Variants in NDE1 observed in about 807,000 individuals in gnomAD.
NDE1 encodes the protein nuclear distribution protein nudE homolog 1.
NDE1 carries 28 observed loss-of-function variants against 43.4 expected under a neutral mutation model. The observed-to-expected ratio is 0.65, with a 90% CI of 0.48 to 0.89. NDE1 has a LOEUF of 0.89. Among genes scored for constraint, NDE1 ranks in the 40% least tolerant of loss-of-function variants. The pLI, the probability that NDE1 is intolerant of heterozygous loss-of-function variation, is 0.00. For missense variants in NDE1, 441 were observed against 434.1 expected (o/e 1.02, Z -0.14); for synonymous variants, 184 against 172.0 (o/e 1.07, Z -0.55).
chr16:15,657,736 C>G (rs55687528), intron 1 of NDE1, among the ~76,000 whole-genome samples: 71,721 of 151,868 alleles, frequency 0.47, 17,463 homozygotes, highest in Middle Eastern at 0.58. Flanking sequence ...GCTGGGACTA[C>G]AGGCACGCAC....
chr16:15,653,648 G>T (rs1394607519), intron 1 of NDE1, among the ~76,000 whole-genome samples: 1 of 151,584 alleles, frequency 6.6e-6, no homozygotes, highest in African/African-American at 2.4e-5. Context: ...AAAATCAGAG[G>T]TGTGTGTCTC....
At chr16:15,694,388 C>T in intron 7 of NDE1, 132 bp downstream of exon 7, 1 of 1,530,200 alleles carries the variant, frequency 6.5e-7, no homozygotes, top group African/African-American at 1.4e-5. Flanking sequence ...CTCTGTTGCT[C>T]AGGCTGGAGT....
intron 1 of NDE1, among the ~76,000 whole-genome samples, chr16:15,660,484 AT>A (rs1288579001): frequency 6.6e-6 from 1 of 151,878 alleles, no homozygotes; most frequent in Non-Finnish European, 1.5e-5. Flanking sequence ...TAAAAAAAAA[AT>A]TGCTTCCCTC....
At chr16:15,721,289 C>A in intron 8 of NDE1, 1 of 1,156,090 alleles carries the variant, frequency 8.6e-7, no homozygotes, top group South Asian at 1.3e-5. Flanking sequence ...TGCACCAGTC[C>A]AAAAACCTCC....
At chr16:15,714,843 G>A in intron 8 of NDE1, 3 of 1,596,186 alleles carry the variant, frequency 1.9e-6, no homozygotes, top group Non-Finnish European at 2.6e-6. Flanking sequence ...GCCGAAAGGA[G>A]CCCGAGCCCC....
At chr16:15,672,456 G>A (rs1453785753) in intron 3 of NDE1, among the ~76,000 whole-genome samples, 1 of 151,960 alleles carries the variant, frequency 6.6e-6, no homozygotes, top group African/African-American at 2.4e-5. Context: ...AAGAAACAGG[G>A]TACCTTGGAA....
intron 8 of NDE1, chr16:15,720,089 G>C: frequency 6.2e-7 from 1 of 1,608,652 alleles, no homozygotes; most frequent in Non-Finnish European, 8.5e-7. Flanking sequence ...TGCTGACTTC[G>C]GTGGCCTGAG....
At chr16:15,699,831 C>T (rs767280510) in intron 8 of NDE1, 15 of 1,349,674 alleles carry the variant, frequency 1.1e-5, no homozygotes, top group Admixed American at 5.8e-5. Context: ...AGGAAAACCA[C>T]GGAAGCTGAA....
chr16:15,724,322 C>A lies in NDE1; in HGVS notation c.*71C>A. 1 of 1,614,160 alleles carries A rather than the reference C, an allele frequency of 6.2e-7. No individual in the cohort carries two copies. The highest frequency in any genetic ancestry group is 8.5e-7 in the Non-Finnish European group (1 of 1,180,044). On this transcript the variant is annotated 3_prime_UTR_variant, in exon 9 of 9. Transcript: ENST00000396354. Reference sequence around the variant, plus strand: ...TCCTCGTACTGCTGGGTGAGGTTCTCGATCTCCTTCTGGAACCTCTTCTTC... The same window carrying A: ...TCCTCGTACTGCTGGGTGAGGTTCTAGATCTCCTTCTGGAACCTCTTCTTC...
intron 3 of NDE1, among the ~76,000 whole-genome samples, chr16:15,667,775 G>A (rs1055707993): frequency 1.3e-5 from 2 of 151,664 alleles, no homozygotes; most frequent in Non-Finnish European, 2.9e-5. Context: ...GGGATTATAG[G>A]CGCCTGCTAC....
chr16:15,677,665 C>T lies in NDE1; in HGVS notation c.238-136C>T, dbSNP rs1424253982. On this transcript the variant is annotated intron_variant, in intron 3 of 8. Transcript: ENST00000396354. ...GTGTTACAGTCATAGCTCACTGCAGCCTCTAACTCCTGGGCTCAGGCAGTC... is the reference window on the plus strand; with the variant it reads ...GTGTTACAGTCATAGCTCACTGCAGTCTCTAACTCCTGGGCTCAGGCAGTC... 5 of 842,448 alleles carry T rather than the reference C, an allele frequency of 5.9e-6. No individual in the cohort carries two copies. The East Asian group carries it at 7.8e-5, about 13-fold the overall frequency. 52.2% of individuals were successfully genotyped at this position (842,448 alleles called of 1,614,324 possible).
At chr16:15,644,399 C>G (rs1003012705) in intron 1 of NDE1, among the ~76,000 whole-genome samples, 3 of 152,182 alleles carry the variant, frequency 2.0e-5, no homozygotes, top group African/African-American at 7.2e-5. Context: ...GCTGAAGAAT[C>G]CTTTGTGCCT....
upstream of NDE1, among the ~76,000 whole-genome samples, chr16:15,648,122 A>C (rs2036368638): frequency 6.6e-6 from 1 of 152,040 alleles, no homozygotes; most frequent in African/African-American, 2.4e-5. Context: ...GGTACATGAG[A>C]TATTTTGATA....
At position 15,725,649 on chromosome 16, in the gene NDE1, C is replaced by G. The variant is rs2040717680; in HGVS notation, c.*1398C>G. The stretch of plus-strand genomic sequence containing the variant: ...CTGCTTATATGAGGGCGGCAAAAGC[C>G]CTGCTCTCAACTGCATGTGAGAAAA... On this transcript the variant is annotated 3_prime_UTR_variant, in exon 9 of 9. Transcript: ENST00000396354. 1.0e-5 allele frequency: 4 copies of G among 400,114 alleles called. No homozygotes were observed. The South Asian group carries it at 3.8e-4, about 38-fold the overall frequency. The allele number at this position is 400,114 out of a possible 1,614,324, so 24.8% of individuals were successfully genotyped here.
intron 8 of NDE1, chr16:15,704,168 T>C: frequency 1.2e-6 from 2 of 1,610,344 alleles, no homozygotes; most frequent in Non-Finnish European, 1.7e-6. Context: ...GAAATCTTCA[T>C]GGTTGGGATA....
chr16:15,721,713 C>G, intron 8 of NDE1: 1 of 1,446,758 alleles, frequency 6.9e-7, no homozygotes, highest in East Asian at 2.3e-5. Context: ...GGGGGAAGCC[C>G]TGTGTCCTGC....
At chr16:15,716,141 C>T (rs1428537616) in intron 8 of NDE1, among the ~76,000 whole-genome samples, 2 of 151,970 alleles carry the variant, frequency 1.3e-5, no homozygotes, top group Non-Finnish European at 2.9e-5. Flanking sequence ...GCTGCCCAGA[C>T]TGGTCTCGAA....
chr16:15,673,783 A>T (rs1225032110), intron 3 of NDE1, among the ~76,000 whole-genome samples: 1 of 152,140 alleles, frequency 6.6e-6, no homozygotes, highest in Non-Finnish European at 1.5e-5. Flanking sequence ...GGATTGCGGC[A>T]TGAGGCACCG....
At position 15,718,380 on chromosome 16, in the gene NDE1, C is replaced by T; in HGVS notation, c.948-5811C>T. 7.5e-6 allele frequency: 12 copies of T among 1,605,578 alleles called. No homozygotes were observed. The highest frequency in any genetic ancestry group is 8.5e-6 in the Non-Finnish European group (10 of 1,178,282). ...ATGTTGCCCTGCTCCTCCTCCAGCT[C>T]CTCCTCCAGCTGGGCGATCCGGGCC... On this transcript the variant is annotated intron_variant, in intron 8 of 8. Transcript: ENST00000396354.
Sources: gnomAD v4.1 joint callset for allele counts (sites outside exome capture counted in the v4.1 genomes callset) on GRCh38, gnomAD v4.1.1 for gene constraint, MANE v1.5 for transcripts, NCBI Gene and HGNC (gene_info 2026-07-23, HGNC 2026-07-21) for gene names.